The following ACAP2 variants were observed in gnomAD, a reference collection of about 807,000 sequenced individuals.
ACAP2 encodes the protein ArfGAP with coiled-coil, ankyrin repeat and PH domains 2.
In ACAP2, 39 loss-of-function variants were observed where a neutral mutation model predicts 115.8. That is an observed-to-expected ratio of 0.34 (90% CI 0.26 to 0.44). The LOEUF (loss-of-function observed/expected upper bound fraction) is 0.44, where lower values mean the gene tolerates loss of function less well. Ranked by LOEUF, ACAP2 falls within the 20% of genes least tolerant of loss-of-function variation. The pLI, the probability that ACAP2 is intolerant of heterozygous loss-of-function variation, is 1.00. For synonymous variants in ACAP2, 289 were observed against 315.8 expected (o/e 0.92, Z 0.90); for missense variants, 662 against 927.6 (o/e 0.71, Z 3.72).
intron 4 of ACAP2, among the ~76,000 whole-genome samples, chr3:195,376,656 A>G (rs73208913): frequency 0.073 from 11,090 of 152,216 alleles, 513 homozygotes; most frequent in East Asian, 0.19. Flanking sequence ...TAAATAAATT[A>G]CATGATAATC....
intron 4 of ACAP2, among the ~76,000 whole-genome samples, 171 bp from the exon 5 acceptor site, chr3:195,345,488 T>A (rs978755184): frequency 2.0e-5 from 3 of 152,190 alleles, no homozygotes; most frequent in African/African-American, 7.2e-5. Flanking sequence ...CAAAACAGAT[T>A]AAGCCAATTT....
chr3:195,420,300 A>T (rs823311), intron 1 of ACAP2, among the ~76,000 whole-genome samples: 80,691 of 151,798 alleles, frequency 0.53, 22,749 homozygotes, highest in East Asian at 0.89. Context: ...CGCTTGGAGG[A>T]CTTTTTGAAT....
In ACAP2 at chr3:195,372,190, C is replaced by T. The variant is rs114455024; in HGVS notation, c.285+8819G>A. 6.6e-3 allele frequency among the ~76,000 whole-genome samples: 999 copies of T among 152,164 alleles called. 11 individuals are homozygous for T. The highest frequency in any genetic ancestry group is 0.023 in the African/African-American group (941 of 41,502). ...CTGCATACAATTGCAGAACTGTAAA[C>T]GTACCAGCCTACAGGAAAAAAATGT... On this transcript the variant is annotated intron_variant, in intron 4 of 22. Transcript: ENST00000326793.
rs200494294 is a variant in ACAP2 at position 195,408,164 on chromosome 3, G to T, written c.54-16017C>A. Among the ~76,000 whole-genome samples, 7 of 152,192 alleles carry T rather than the reference G, an allele frequency of 4.6e-5. No homozygotes were observed. In the East Asian group the frequency reaches 1.2e-3, roughly 25 times the overall value. On this transcript the variant is annotated intron_variant, in intron 1 of 22. Coordinates refer to ENST00000326793, the MANE Select transcript of ACAP2 (RefSeq NM_012287.6). ...TAGTAAAAAGATTGAATCTGTCATC[G>T]AAAATCTCCAAAACAGGCCAGGCAT...
intron 10 of ACAP2, among the ~76,000 whole-genome samples, chr3:195,313,241 A>C (rs915268901): frequency 3.3e-5 from 5 of 152,220 alleles, no homozygotes; most frequent in Admixed American, 3.3e-4. Flanking sequence ...CAAATACTAC[A>C]TTACAGGAAG....
At chr3:195,400,875 G>A (rs957365626) in intron 1 of ACAP2, among the ~76,000 whole-genome samples, 51 of 152,130 alleles carry the variant, frequency 3.4e-4, no homozygotes, top group Admixed American at 6.5e-5. Flanking sequence ...AATATTTAGG[G>A]ACAGTTCCAG....
Position 195,306,584 on chromosome 3 carries a change from A to G in ACAP2, c.1043T>C (p.Leu348Pro). Reference protein sequence around the residue: ...SCMLQADSEKLRQAWIKAVQT... With the variant: ...SCMLQADSEKPRQAWIKAVQT... ...AACAGCCTTAATCCATGCCTGGCGC[A>G]GCTTTTCGGAATCTGCCTGGAGCAT... Residue 348 changes from leucine to proline, a missense_variant, in exon 13 of 23, where the codon CTG (leucine) becomes CCG (proline). Physicochemically the swap from Leu to Pro is moderately conservative, Grantham distance 98 (BLOSUM62 -3). Around this residue, in one of 3 missense-constraint regions of ACAP2, gnomAD observed 401 missense variants for 604.4 expected, o/e 0.66. Transcript: ENST00000326793. The G allele has an allele frequency of 6.2e-7, 1 of 1,613,030 alleles. No individual in the cohort carries two copies. The highest frequency in any genetic ancestry group is 8.5e-7 in the Non-Finnish European group (1 of 1,179,548).
chr3:195,304,631 G>A (rs1728303171), intron 13 of ACAP2, among the ~76,000 whole-genome samples: 1 of 152,240 alleles, frequency 6.6e-6, no homozygotes, highest in Admixed American at 6.5e-5. Flanking sequence ...AAAGGTGGAA[G>A]CCAGAGGATT....
intron 13 of ACAP2, among the ~76,000 whole-genome samples, chr3:195,304,269 T>C (rs919955127): frequency 3.3e-5 from 5 of 150,520 alleles, no homozygotes; most frequent in African/African-American, 1.2e-4. Flanking sequence ...TGTTCGATAA[T>C]GGGAATTAGC....
chr3:195,356,288 C>T (rs933056970), intron 4 of ACAP2: 2 of 434,378 alleles, frequency 4.6e-6, no homozygotes, highest in African/African-American at 2.0e-5. Context: ...GCATTTAGAC[C>T]AGCCCCAGGG....
At chr3:195,381,083 G>GA in intron 3 of ACAP2, 21 bp from the exon 4 acceptor site, 3 of 1,581,426 alleles carry the variant, frequency 1.9e-6, no homozygotes, top group Non-Finnish European at 2.6e-6. Context: ...AAAAGCAAAA[G>GA]AAAACCAAAT....
intron 4 of ACAP2, among the ~76,000 whole-genome samples, chr3:195,374,195 G>A (rs1733361543): frequency 6.6e-6 from 1 of 152,078 alleles, no homozygotes; most frequent in Non-Finnish European, 1.5e-5. Flanking sequence ...AGACCAGCCT[G>A]GCCAACTTGG....
intron 4 of ACAP2, among the ~76,000 whole-genome samples, chr3:195,363,312 G>C (rs987330072): frequency 6.6e-6 from 1 of 152,154 alleles, no homozygotes; most frequent in Non-Finnish European, 1.5e-5. Flanking sequence ...TTAATGGAGA[G>C]ACATTCTATG....
At chr3:195,408,500 G>T (rs1033654033) in intron 1 of ACAP2, among the ~76,000 whole-genome samples, 1 of 152,106 alleles carries the variant, frequency 6.6e-6, no homozygotes, top group Non-Finnish European at 1.5e-5. Flanking sequence ...AGACCTAATG[G>T]CTTCACTGGC....
At chr3:195,420,767 C>G (rs1714126250) in intron 1 of ACAP2, among the ~76,000 whole-genome samples, 1 of 152,042 alleles carries the variant, frequency 6.6e-6, no homozygotes, top group Non-Finnish European at 1.5e-5. Flanking sequence ...CTCAGCCTCC[C>G]AAGTAGAAGG....
rs1286644050 is a variant in ACAP2, at chr3:195,386,182, T to G, written c.112-4160A>C. 2.0e-5 allele frequency among the ~76,000 whole-genome samples: 3 copies of G among 152,136 alleles called. No individual in the cohort carries two copies. The East Asian group carries it at 5.8e-4, about 29-fold the overall frequency. On this transcript the variant is annotated intron_variant, in intron 2 of 22. Transcript: ENST00000326793. ...TTCCATTTATTTGAAATGTTCAGAA[T>G]AGGCAAATCCAGGGACAGAAAGTAG...
In ACAP2 at chr3:195,295,859, A is replaced by G; in HGVS notation, c.1521T>C (p.Tyr507=). 2 of 1,613,634 alleles carry G rather than the reference A, an allele frequency of 1.2e-6. No homozygotes were observed. The highest frequency in any genetic ancestry group is 1.7e-6 in the Non-Finnish European group (2 of 1,179,894). Residue 507 remains tyrosine, a synonymous_variant, in exon 17 of 23, where the codon TAT becomes TAC. Transcript: ENST00000326793. ...ATTTATCCACAAATTTCCTCTCCAC[A>G]TATTTTGCTCTGATATATGCCTCCT... ...QEKEAYIRAK[Y]VERKFVDKYS...
chr3:195,428,336 G>GTA lies in ACAP2; in HGVS notation c.53+14457_53+14458dup, dbSNP rs200673812. 7.2e-4 allele frequency among the ~76,000 whole-genome samples: 98 copies of GTA among 135,500 alleles called. No individual in the cohort carries two copies. In the South Asian group the frequency reaches 0.012, roughly 17 times the overall value. 88.9% of individuals were successfully genotyped at this position (135,500 alleles called of 152,430 possible). A position where few individuals can be genotyped will look rare whatever the true frequency, so the allele number is the denominator to read the frequency against. On this transcript the variant is annotated intron_variant, in intron 1 of 22. Coordinates refer to ENST00000326793, the MANE Select transcript of ACAP2 (RefSeq NM_012287.6). The stretch of plus-strand genomic sequence containing the variant: ...TACACTCATATATATAGGTGTGTGT[G>GTA]TATATATATATACACACACACACAC...
intron 4 of ACAP2, among the ~76,000 whole-genome samples, chr3:195,371,146 C>T (rs562103103): frequency 6.6e-6 from 1 of 152,164 alleles, no homozygotes; most frequent in African/African-American, 2.4e-5. Context: ...CTGTAAATTC[C>T]TTGGGCTGTA....
Sources: allele counts gnomAD v4.1 joint callset (sites outside exome capture counted in the v4.1 genomes callset), GRCh38; gene constraint gnomAD v4.1.1; regional missense constraint gnomAD v4.1.1; transcripts MANE v1.5; gene names NCBI Gene and HGNC (gene_info 2026-07-23, HGNC 2026-07-21).